ZBTB20: variants seen among roughly 807,000 people sequenced by gnomAD.
The protein encoded by ZBTB20 is zinc finger and BTB domain-containing protein 20.
In ZBTB20, 9 loss-of-function variants were observed where a neutral mutation model predicts 56.9. The ratio of observed to expected loss-of-function variants is 0.16; its 90% CI spans 0.10 to 0.28. ZBTB20 has a LOEUF of 0.28. ZBTB20 is among the 10% of genes least tolerant of loss of function. The pLI is 1.00. For missense variants in ZBTB20, 655 were observed against 1,003.0 expected, an observed-to-expected ratio of 0.65 and a Z score of 4.69; for synonymous variants, 417 against 420.7, an observed-to-expected ratio of 0.99 and a Z score of 0.11.
chr3:114,729,989 G>C lies in ZBTB20; in HGVS notation c.-342-36414C>G, dbSNP rs376104887. On this transcript the variant is annotated intron_variant, in intron 5 of 11. Coordinates refer to ENST00000675478, the MANE Select transcript of ZBTB20 (RefSeq NM_001348800.3). The stretch of plus-strand genomic sequence containing the variant: ...TTTTTTTTTTTTTTTGTATAGACAG[G>C]GTTTTGCTTGGGGGCCCAAGCTTGT... Among the ~76,000 whole-genome samples the C allele has an allele frequency of 4.2e-3, 612 of 145,182 alleles. 6 individuals carry two copies. Among genetic ancestry groups the C allele is most frequent in the South Asian group, 0.021 (97 of 4,588 alleles).
intron 7 of ZBTB20, among the ~76,000 whole-genome samples, chr3:114,434,567 T>TGTGTGTGTGTGC (rs1266493080): frequency 2.0e-5 from 3 of 151,716 alleles, no homozygotes; most frequent in African/African-American, 4.8e-5. Context: ...TTTGTGTGTG[T>TGTGTGTGTGTGC]GTGTGTGTGT....
chr3:114,401,766 A>G (rs1324607831), intron 7 of ZBTB20, among the ~76,000 whole-genome samples: 1 of 152,178 alleles, frequency 6.6e-6, no homozygotes, highest in Non-Finnish European at 1.5e-5. Context: ...AAAAAATAAT[A>G]GGAGAGGCTG....
chr3:114,914,749 T>C (rs1032244624), intron 3 of ZBTB20, among the ~76,000 whole-genome samples: 5 of 151,568 alleles, frequency 3.3e-5, no homozygotes, highest in African/African-American at 1.2e-4. Context: ...CGATATCCAG[T>C]TTTTTGAGGG....
At chr3:114,511,994 A>G (rs982701207) in intron 6 of ZBTB20, among the ~76,000 whole-genome samples, 13 of 152,062 alleles carry the variant, frequency 8.5e-5, no homozygotes, top group Non-Finnish European at 1.5e-4. Context: ...GGTTGTTGTG[A>G]TTTCAAAGAC....
In ZBTB20 at chr3:114,913,190, A is replaced by T. The variant is rs539976316; in HGVS notation, c.-455-12848T>A. 5.3e-5 allele frequency among the ~76,000 whole-genome samples: 8 copies of T among 152,066 alleles called. No homozygotes were observed. In the South Asian group the frequency reaches 1.5e-3, roughly 28 times the overall value. On this transcript the variant is annotated intron_variant, in intron 3 of 11. Transcript: ENST00000675478. The stretch of plus-strand genomic sequence containing the variant: ...CTCCATAGTACTTATACTTATTTAC[A>T]TTTCCGCCAACAGTGTACAAAGATT...
At chr3:114,925,727 C>T (rs1445670164) in intron 3 of ZBTB20, among the ~76,000 whole-genome samples, 1 of 152,140 alleles carries the variant, frequency 6.6e-6, no homozygotes, top group Non-Finnish European at 1.5e-5. Flanking sequence ...GGGGTTTCAC[C>T]ATGTTAGCCA....
chr3:114,461,014 C>A (rs1351430159), intron 7 of ZBTB20, among the ~76,000 whole-genome samples: 1 of 152,182 alleles, frequency 6.6e-6, no homozygotes, highest in African/African-American at 2.4e-5. Context: ...CAGTTGGCTG[C>A]AGATCCATCT....
intron 4 of ZBTB20, among the ~76,000 whole-genome samples, chr3:114,812,829 C>T (rs2072643507): frequency 1.3e-5 from 2 of 152,218 alleles, no homozygotes; most frequent in Admixed American, 1.3e-4. Context: ...CTGCAGGTCC[C>T]GAGCCCTGCC....
intron 2 of ZBTB20, among the ~76,000 whole-genome samples, chr3:115,036,555 C>T (rs1354777550): frequency 6.6e-6 from 1 of 152,174 alleles, no homozygotes; most frequent in Non-Finnish European, 1.5e-5. Context: ...GCTGGGACTA[C>T]AGGTGCGTGC....
intron 6 of ZBTB20, among the ~76,000 whole-genome samples, chr3:114,507,087 T>G (rs2044712189): frequency 1.3e-5 from 2 of 152,162 alleles, no homozygotes; most frequent in Admixed American, 1.3e-4. Context: ...AAAAGTTAAT[T>G]TTAGTGCATT....
intron 5 of ZBTB20, among the ~76,000 whole-genome samples, chr3:114,746,245 C>T (rs529535663): frequency 6.6e-6 from 1 of 152,244 alleles, no homozygotes; most frequent in South Asian, 2.1e-4. Context: ...TAGAAAGTAT[C>T]TTCTTTTGAA....
intron 6 of ZBTB20, among the ~76,000 whole-genome samples, chr3:114,648,648 A>T (rs978543713): frequency 6.6e-6 from 1 of 152,056 alleles, no homozygotes; most frequent in African/African-American, 2.4e-5. Context: ...GAATAAGAGT[A>T]TAACAGAGGA....
chr3:114,682,067 C>T (rs1200702944), intron 6 of ZBTB20, among the ~76,000 whole-genome samples: 1 of 152,034 alleles, frequency 6.6e-6, no homozygotes. Context: ...GACTTTATGA[C>T]ATCTGATTTA....
rs992971108 is a variant in ZBTB20 at position 114,942,608 on chromosome 3, C to G, written c.-456+31758G>C. Among the ~76,000 whole-genome samples, 6 of 145,380 alleles carry G rather than the reference C, an allele frequency of 4.1e-5. 1 individual carries two copies. Among genetic ancestry groups the G allele is most frequent in the African/African-American group, 8.4e-5 (3 of 35,546 alleles). ...AGTAGCTTATATCAAATCACCCCCT[C>G]GTTGAGAAAAACTATTAAAGATGAA... On this transcript the variant is annotated intron_variant, in intron 3 of 11. Transcript: ENST00000675478.
At chr3:114,963,502 C>A (rs2077532479) in intron 3 of ZBTB20, among the ~76,000 whole-genome samples, 1 of 152,138 alleles carries the variant, frequency 6.6e-6, no homozygotes, top group Admixed American at 6.5e-5. Flanking sequence ...CCACATCTTT[C>A]TTTGGGAAGG....
chr3:114,513,901 T>G (rs2109837234), intron 6 of ZBTB20, among the ~76,000 whole-genome samples: 1 of 151,610 alleles, frequency 6.6e-6, no homozygotes, highest in African/African-American at 2.4e-5. Flanking sequence ...TTAGGAAGAA[T>G]TCTAGGAGAC....
intron 2 of ZBTB20, among the ~76,000 whole-genome samples, chr3:115,048,019 G>A (rs2081396677): frequency 1.3e-5 from 2 of 151,890 alleles, no homozygotes; most frequent in African/African-American, 4.8e-5. Context: ...AGGAGATCGA[G>A]ACCATCCTGG....
At chr3:114,527,990 T>C (rs1201077947) in intron 6 of ZBTB20, among the ~76,000 whole-genome samples, 1 of 149,066 alleles carries the variant, frequency 6.7e-6, no homozygotes, top group Non-Finnish European at 1.5e-5. Context: ...TTTCCCTTCA[T>C]AATTTTTTTT....
At chr3:114,348,392 A>T (rs1252652458) in intron 11 of ZBTB20, among the ~76,000 whole-genome samples, 2 of 152,226 alleles carry the variant, frequency 1.3e-5, no homozygotes, top group Non-Finnish European at 2.9e-5. Flanking sequence ...CTACAAAATA[A>T]AAACATTACT....
Sources: gnomAD v4.1 joint callset for allele counts (sites outside exome capture counted in the v4.1 genomes callset) on GRCh38, gnomAD v4.1.1 for gene constraint, MANE v1.5 for transcripts, NCBI Gene and HGNC (gene_info 2026-07-23, HGNC 2026-07-21) for gene names.